The following KIF20B variants were observed in gnomAD, a reference collection of about 807,000 sequenced individuals.
The protein encoded by KIF20B is kinesin-like protein KIF20B.
Under a neutral mutation model 232.5 loss-of-function variants are expected in KIF20B, and 188 were observed. That is an observed-to-expected ratio of 0.81 (90% confidence interval 0.72 to 0.91). KIF20B has a LOEUF of 0.91. KIF20B is among the 40% of genes least tolerant of loss of function. The pLI, the probability that KIF20B is intolerant of heterozygous loss-of-function variation, is 0.00. For missense variants in KIF20B, 2,154 were observed against 2,055.9 expected, an observed-to-expected ratio of 1.05 and a Z score of -0.92; for synonymous variants, 712 against 683.0, an observed-to-expected ratio of 1.04 and a Z score of -0.66.
At chr10:89,715,760 G>A (rs1160467052) in intron 8 of KIF20B, among the ~76,000 whole-genome samples, 1 of 152,148 alleles carries the variant, frequency 6.6e-6, no homozygotes, top group East Asian at 1.9e-4. Flanking sequence ...GGAGGCTGAG[G>A]CAGGTGGATC....
Position 89,758,816 on chromosome 10 carries a change from C to G in KIF20B, c.4614C>G (p.Ser1538=), listed in dbSNP as rs1364996110. 5 of 1,602,838 alleles carry G rather than the reference C, an allele frequency of 3.1e-6. No homozygotes were observed. In the South Asian group the frequency reaches 5.6e-5, roughly 18 times the overall value. Reference sequence around the variant, plus strand: ...AAATACAGCTAAAAGCACTGATATCCAGTAATGTACAGAAAGATAATGAAA... The same window carrying G: ...AAATACAGCTAAAAGCACTGATATCGAGTAATGTACAGAAAGATAATGAAA... ...ALEIQLKALI[S]SNVQKDNEIE... The change falls in exon 27 of 33, where the codon TCC becomes TCG. Residue 1538 remains serine (S), a synonymous_variant. Transcript: ENST00000371728.
At chr10:89,769,509 GTTTT>G (rs1390929358) in intron 31 of KIF20B, among the ~76,000 whole-genome samples, 3 of 150,480 alleles carry the variant, frequency 2.0e-5, no homozygotes, top group Admixed American at 1.3e-4. Context: ...TCCTCCTAGT[GTTTT>G]TTTTTCTGTG....
At chr10:89,766,632 C>T (rs1032722570) in intron 29 of KIF20B, among the ~76,000 whole-genome samples, 2 of 152,022 alleles carry the variant, frequency 1.3e-5, no homozygotes, top group African/African-American at 4.8e-5. Context: ...ATTACAAACT[C>T]TCTAGCAAAA....
Position 89,758,777 on chromosome 10 carries a change from G to T in KIF20B, c.4575G>T (p.Leu1525=). 6.2e-7 allele frequency: 1 copy of T among 1,608,282 alleles called. No individual in the cohort carries two copies. Among genetic ancestry groups the T allele is most frequent in the Non-Finnish European group, 8.5e-7 (1 of 1,177,238 alleles). ...LQKWREERDQ[L]VAALEIQLKA... The stretch of plus-strand genomic sequence containing the variant: ...AGTGGCGAGAAGAACGAGATCAACT[G>T]GTTGCAGCTTTAGAAATACAGCTAA... The change falls in exon 27 of 33, where the codon CTG becomes CTT. Residue 1525 remains leucine (L), a synonymous_variant. Coordinates refer to ENST00000371728, the MANE Select transcript of KIF20B (RefSeq NM_001284259.2).
In KIF20B at chr10:89,735,517, A is replaced by G. The variant is rs76505670; in HGVS notation, c.2546-1870A>G. 3.8e-3 allele frequency among the ~76,000 whole-genome samples: 569 copies of G among 150,364 alleles called. 2 individuals are homozygous for G. The highest frequency in any genetic ancestry group is 0.014 in the African/African-American group (553 of 40,862). On this transcript the variant is annotated intron_variant, in intron 19 of 32. Coordinates refer to ENST00000371728, the MANE Select transcript of KIF20B (RefSeq NM_001284259.2). ...ACTTTTTAGAGTCAATTAGATACCA[A>G]TGGAAAGTAGTAAGTGTCTTTTTTT... is the stretch of plus-strand genomic sequence containing the variant.
chr10:89,727,518 AAAAT>A (rs2133111220), intron 16 of KIF20B, among the ~76,000 whole-genome samples: 1 of 152,370 alleles, frequency 6.6e-6, no homozygotes, highest in South Asian at 2.1e-4. Flanking sequence ...AAATGGGTAG[AAAAT>A]AACACGTAAG....
intron 28 of KIF20B, among the ~76,000 whole-genome samples, chr10:89,761,685 G>C (rs1335023371): frequency 1.3e-5 from 2 of 152,116 alleles, no homozygotes; most frequent in Non-Finnish European, 2.9e-5. Context: ...ACAGTTCTTA[G>C]TAGTTTCAAA....
At position 89,772,796 on chromosome 10, in the gene KIF20B, G is replaced by C; in HGVS notation, c.5350G>C (p.Glu1784Gln). The change falls in exon 32 of 33, where the codon GAA becomes CAA. Residue 1784 changes from glutamate to glutamine, a missense_variant. By Grantham distance (29) the Glu-to-Gln change is conservative. Coordinates refer to ENST00000371728, the MANE Select transcript of KIF20B (RefSeq NM_001284259.2). ...AGCCAAACGGAAATTATACACAAGT[G>C]AAATTTCATCTCCTATTGATATATC... Reference protein sequence around the residue: ...KRAKRKLYTSEISSPIDISGQ... With the variant: ...KRAKRKLYTSQISSPIDISGQ... 6.2e-7 allele frequency: 1 copy of C among 1,610,454 alleles called. No homozygotes were observed. The highest frequency in any genetic ancestry group is 8.5e-7 in the Non-Finnish European group (1 of 1,177,954).
Position 89,714,057 on chromosome 10 carries a change from A to G in KIF20B, c.686A>G (p.His229Arg), listed in dbSNP as rs778382667. ...CAATCTTTTTTTTAGGTTACTGTGC[A>G]TAATGATAGTGATGATACTCTTTAT... ...LLRQIKEVTV[H>R]NDSDDTLYGS... Residue 229 changes from histidine (H) to arginine (R), a missense_variant, in exon 7 of 33, where the codon CAT becomes CGT. Transcript: ENST00000371728. 6.2e-6 allele frequency: 9 copies of G among 1,449,720 alleles called. No individual in the cohort carries two copies. Among genetic ancestry groups the G allele is most frequent in the African/African-American group, 1.5e-5 (1 of 68,942 alleles). 89.8% of individuals were successfully genotyped at this position (1,449,720 alleles called of 1,614,324 possible).
In KIF20B at chr10:89,758,853, A is replaced by G; in HGVS notation, c.4651A>G (p.Lys1551Glu). 1 of 1,592,186 alleles carries G rather than the reference A, an allele frequency of 6.3e-7. No homozygotes were observed. Among genetic ancestry groups the G allele is most frequent in the Non-Finnish European group, 8.5e-7 (1 of 1,170,036 alleles). Residue 1551 changes from lysine (K) to glutamate (E), a missense_variant, in exon 27 of 33, where the codon AAA becomes GAA. Coordinates refer to ENST00000371728, the MANE Select transcript of KIF20B (RefSeq NM_001284259.2). ...GAAAGATAATGAAATTGAACAACTA[A>G]AAAGGATCATATCAGAGACTTCTAA... ...VQKDNEIEQL[K>E]RIISETSKIE...
At chr10:89,703,640 A>T (rs537188321) in intron 1 of KIF20B, among the ~76,000 whole-genome samples, 1 of 152,246 alleles carries the variant, frequency 6.6e-6, no homozygotes, top group East Asian at 1.9e-4. Flanking sequence ...GTGCAGTTTC[A>T]TGGGGCATTC....
chr10:89,723,170 A>G (rs1040767109), intron 13 of KIF20B, among the ~76,000 whole-genome samples: 3 of 152,226 alleles, frequency 2.0e-5, no homozygotes, highest in African/African-American at 7.2e-5. Flanking sequence ...GGATAGCTGT[A>G]GAACTATTTT....
At chr10:89,736,183 A>G (rs1309843631) in intron 19 of KIF20B, among the ~76,000 whole-genome samples, 3 of 152,214 alleles carry the variant, frequency 2.0e-5, no homozygotes, top group African/African-American at 7.2e-5. Flanking sequence ...CAAAACAGGA[A>G]AAAATTTCTA....
Position 89,719,508 on chromosome 10 carries a change from A to T in KIF20B, c.1524A>T (p.Ser508=). 6.2e-7 allele frequency: 1 copy of T among 1,610,590 alleles called. No homozygotes were observed. Among genetic ancestry groups the T allele is most frequent in the Non-Finnish European group, 8.5e-7 (1 of 1,177,194 alleles). ...SSQDVSLDSN[S]NSKILNVKRA... is the part of the protein sequence containing the mutation. ...AAGATGTATCACTAGACAGTAATTC[A>T]AACAGTAAAATATTAAATGTAAAAA... Residue 508 remains serine, a synonymous_variant, in exon 13 of 33, where the codon TCA becomes TCT. Transcript: ENST00000371728.
chr10:89,716,588 T>G, intron 9 of KIF20B, 41 bp downstream of exon 9: 1 of 932,910 alleles, frequency 1.1e-6, no homozygotes, highest in East Asian at 2.4e-5. Context: ...GAATCACCGA[T>G]AGTATTCTGT....
At chr10:89,728,855 G>C (rs1031850218) in intron 17 of KIF20B, among the ~76,000 whole-genome samples, 5 of 151,748 alleles carry the variant, frequency 3.3e-5, no homozygotes, top group African/African-American at 1.2e-4. Flanking sequence ...TTTGAGCCCA[G>C]GCAGTCTGGC....
intron 29 of KIF20B, among the ~76,000 whole-genome samples, chr10:89,767,983 C>T (rs1188509793): frequency 1.3e-5 from 2 of 151,944 alleles, no homozygotes; most frequent in East Asian, 1.9e-4. Flanking sequence ...TTCTCAACTC[C>T]AGCACAGTTG....
At chr10:89,773,839 C>CT (rs1842515747) in intron 32 of KIF20B, 132 bp from the exon 33 acceptor site, 2 of 436,698 alleles carry the variant, frequency 4.6e-6, no homozygotes, top group African/African-American at 4.1e-5. Flanking sequence ...TATCTGTAGT[C>CT]TAAGTAAAAA....
At chr10:89,770,780 T>A (rs1589888182) in intron 31 of KIF20B, among the ~76,000 whole-genome samples, 2 of 152,066 alleles carry the variant, frequency 1.3e-5, no homozygotes, top group Non-Finnish European at 1.5e-5. Flanking sequence ...CCACTGTTAA[T>A]CCATCACTTA....
Sources: allele counts gnomAD v4.1 joint callset (sites outside exome capture counted in the v4.1 genomes callset), GRCh38; gene constraint gnomAD v4.1.1; transcripts MANE v1.5; gene names NCBI Gene and HGNC (gene_info 2026-07-23, HGNC 2026-07-21).